Variants in SORCS3 observed in about 807,000 individuals in gnomAD.
The protein encoded by SORCS3 is sortilin related VPS10 domain containing receptor 3.
Under a neutral mutation model 146.3 loss-of-function variants are expected in SORCS3, and 57 were observed. The ratio of observed to expected loss-of-function variants is 0.39; its 90% CI spans 0.31 to 0.49. The LOEUF is 0.49. Ranked by LOEUF, SORCS3 falls within the 20% of genes least tolerant of loss-of-function variation. The probability of loss-of-function intolerance (pLI) is 0.92; values close to 1 mark genes in which losing one functional copy is unlikely to be tolerated. For missense variants in SORCS3, 1,341 were observed against 1,575.5 expected (o/e 0.85, Z 2.52); for synonymous variants, 653 against 618.5 (o/e 1.06, Z -0.83).
At chr10:104,833,613 G>A (rs571577142) in intron 1 of SORCS3, among the ~76,000 whole-genome samples, 1 of 152,230 alleles carries the variant, frequency 6.6e-6, no homozygotes, top group East Asian at 1.9e-4. Context: ...CCAATTTCGA[G>A]AGGTCCAAAC....
intron 5 of SORCS3, among the ~76,000 whole-genome samples, chr10:105,058,329 G>A (rs540404530): frequency 2.0e-5 from 3 of 152,308 alleles, no homozygotes; most frequent in African/African-American, 7.2e-5. Flanking sequence ...AAGTGATACT[G>A]GGAATGAGAG....
chr10:104,928,778 G>A (rs1333266328), intron 3 of SORCS3, among the ~76,000 whole-genome samples: 1 of 152,174 alleles, frequency 6.6e-6, no homozygotes, highest in Non-Finnish European at 1.5e-5. Flanking sequence ...TGAGCTGGCA[G>A]GGAAGTCTGA....
intron 4 of SORCS3, among the ~76,000 whole-genome samples, chr10:105,001,995 T>C (rs2055065022): frequency 6.6e-6 from 1 of 152,200 alleles, no homozygotes; most frequent in Admixed American, 6.5e-5. Flanking sequence ...CAGTGGGATC[T>C]GTTTTAAGTG....
rs574456816 is a variant in SORCS3, at chr10:104,977,302, C to CT, written c.796-32dup. ...TTATATTTATTATTTCCTACTAACT[C>CT]TGTCTGTATATGTCCCTCTATCCTT... On this transcript the variant is annotated intron_variant, in intron 3 of 26. Coordinates refer to ENST00000369701, the MANE Select transcript of SORCS3 (RefSeq NM_014978.3). 1.8e-5 allele frequency: 28 copies of CT among 1,528,796 alleles called. 1 individual carries two copies. The Admixed American group carries it at 5.2e-4, about 28-fold the overall frequency. The allele number at this position is 1,528,796 out of a possible 1,614,324, so 94.7% of individuals were successfully genotyped here. A position where few individuals can be genotyped will look rare whatever the true frequency, so the allele number is the denominator to read the frequency against.
chr10:104,794,622 GGAGAGAGA>G (rs371695559), intron 1 of SORCS3, among the ~76,000 whole-genome samples: 2 of 41,406 alleles, frequency 4.8e-5, no homozygotes, highest in Admixed American at 2.7e-4. Flanking sequence ...AGAGAGGGAG[GGAGAGAGA>G]GAGAGAGAGA....
chr10:105,051,731 G>C (rs1275338267), intron 5 of SORCS3, among the ~76,000 whole-genome samples: 1 of 152,100 alleles, frequency 6.6e-6, no homozygotes, highest in Non-Finnish European at 1.5e-5. Context: ...ATGGGATTTA[G>C]GCATCAACCT....
chr10:105,170,391 C>T (rs1489075980), intron 13 of SORCS3, among the ~76,000 whole-genome samples: 1 of 151,758 alleles, frequency 6.6e-6, no homozygotes, highest in Non-Finnish European at 1.5e-5. Flanking sequence ...TATCTCTTTT[C>T]TTGGTAAAAA....
intron 1 of SORCS3, among the ~76,000 whole-genome samples, chr10:104,668,019 G>T (rs530089747): frequency 8.5e-5 from 13 of 152,160 alleles, no homozygotes; most frequent in Non-Finnish European, 1.8e-4. Flanking sequence ...TGAGTTCAAG[G>T]CGCCTTCGTG....
chr10:105,037,165 A>G (rs1589604066), intron 4 of SORCS3, among the ~76,000 whole-genome samples: 2 of 152,292 alleles, frequency 1.3e-5, no homozygotes, highest in East Asian at 3.9e-4. Context: ...CACAGTACAA[A>G]GAAATGTAGG....
At chr10:104,894,226 G>A (rs1393617564) in intron 2 of SORCS3, among the ~76,000 whole-genome samples, 4 of 152,046 alleles carry the variant, frequency 2.6e-5, no homozygotes, top group South Asian at 2.1e-4. Context: ...CAACTGCAGC[G>A]TTTCTCTCAA....
chr10:104,957,909 A>C (rs2019513795), intron 3 of SORCS3, among the ~76,000 whole-genome samples: 1 of 152,078 alleles, frequency 6.6e-6, no homozygotes, highest in South Asian at 2.1e-4. Flanking sequence ...CACCCTAAAA[A>C]ACCCAAACGC....
rs140749907 is a variant in SORCS3, at chr10:105,244,238, G to A, written c.2869-1304G>A. 2.8e-3 allele frequency among the ~76,000 whole-genome samples: 418 copies of A among 151,622 alleles called. 1 individual carries two copies. Among genetic ancestry groups the A allele is most frequent in the African/African-American group, 9.7e-3 (401 of 41,332 alleles). On this transcript the variant is annotated intron_variant, in intron 20 of 26. Coordinates refer to ENST00000369701, the MANE Select transcript of SORCS3 (RefSeq NM_014978.3). ...ACTCTCTTCTCTCCAATAAGCATCTGCTTTTTAATCAAGATTCTTCTTTCC... is the reference window on the plus strand; with the variant it reads ...ACTCTCTTCTCTCCAATAAGCATCTACTTTTTAATCAAGATTCTTCTTTCC...
intron 2 of SORCS3, among the ~76,000 whole-genome samples, chr10:104,907,306 A>G (rs774956456): frequency 3.3e-5 from 5 of 152,146 alleles, no homozygotes; most frequent in Admixed American, 3.3e-4. Flanking sequence ...CCTTACGTGC[A>G]TGATACAAAT....
intron 8 of SORCS3, among the ~76,000 whole-genome samples, chr10:105,140,395 T>C (rs566153518): frequency 1.3e-5 from 2 of 152,314 alleles, no homozygotes; most frequent in South Asian, 4.1e-4. Flanking sequence ...ACTTTTCCTC[T>C]GTGAACTAAA....
chr10:105,221,602 G>A (rs533731866), intron 19 of SORCS3, among the ~76,000 whole-genome samples: 403 of 152,284 alleles, frequency 2.6e-3, no homozygotes, highest in Non-Finnish European at 4.6e-3. Flanking sequence ...TTGTGCCAGA[G>A]TTGAAATGAG....
chr10:105,140,437 A>G (rs1350885990), intron 8 of SORCS3, among the ~76,000 whole-genome samples: 2 of 152,164 alleles, frequency 1.3e-5, no homozygotes, highest in African/African-American at 4.8e-5. Flanking sequence ...TAAGGCACAA[A>G]TGGTCCCTGT....
rs1481811209 is a variant in SORCS3, at chr10:104,794,622, G to GGAGGGAGAGA, written c.628-48167_628-48166insGGAGAGAGAG. ...GTGTGTGTGAGAGAGAGAGAGGGAG[G>GGAGGGAGAGA]GAGAGAGAGAGAGAGAGAGAGAGAG... On this transcript the variant is annotated intron_variant, in intron 1 of 26. Coordinates refer to ENST00000369701, the MANE Select transcript of SORCS3 (RefSeq NM_014978.3). Among the ~76,000 whole-genome samples, 257 of 41,382 alleles carry GGAGGGAGAGA rather than the reference G, an allele frequency of 6.2e-3. 1 individual carries two copies. The highest frequency in any genetic ancestry group is 7.9e-3 in the Admixed American group (29 of 3,680). 27.1% of individuals were successfully genotyped at this position (41,382 alleles called of 152,430 possible).
intron 20 of SORCS3, among the ~76,000 whole-genome samples, chr10:105,225,714 A>G (rs566047206): frequency 3.9e-5 from 6 of 152,124 alleles, no homozygotes; most frequent in Admixed American, 3.9e-4. Context: ...ATCCATGAAC[A>G]TGGCATATCT....
At chr10:104,705,887 G>A in intron 1 of SORCS3, among the ~76,000 whole-genome samples, 1 of 152,272 alleles carries the variant, frequency 6.6e-6, no homozygotes, top group African/African-American at 2.4e-5. Context: ...TGAGCTTCAG[G>A]ACCACTGGAT....
Sources: gnomAD v4.1 joint callset for allele counts (sites outside exome capture counted in the v4.1 genomes callset) on GRCh38, gnomAD v4.1.1 for gene constraint, MANE v1.5 for transcripts, NCBI Gene and HGNC (gene_info 2026-07-23, HGNC 2026-07-21) for gene names.